Variants in CNTN6 observed in about 807,000 individuals in gnomAD.
CNTN6 encodes the protein contactin-6.
In CNTN6, 137 loss-of-function variants were observed where a neutral mutation model predicts 122.8. That is an observed-to-expected ratio of 1.12 (90% CI 0.97 to 1.29). CNTN6 has a LOEUF of 1.29. Among genes scored for constraint, CNTN6 ranks in the 50% most tolerant of loss-of-function variants. The pLI, the probability that CNTN6 is intolerant of heterozygous loss-of-function variation, is 0.00. For synonymous variants in CNTN6, 570 were observed against 426.0 expected, an observed-to-expected ratio of 1.34 and a Z score of -4.16; for missense variants, 1,634 against 1,223.4, an observed-to-expected ratio of 1.34 and a Z score of -5.01.
chr3:1,247,642 G>C (rs1423829249), intron 4 of CNTN6, among the ~76,000 whole-genome samples: 1 of 152,100 alleles, frequency 6.6e-6, no homozygotes, highest in African/African-American at 2.4e-5. Flanking sequence ...TATAACAACT[G>C]TTTCTGTGAG....
chr3:1,128,624 C>CTAAGAA (rs2092245357), intron 1 of CNTN6, among the ~76,000 whole-genome samples: 1 of 151,948 alleles, frequency 6.6e-6, no homozygotes, highest in African/African-American at 2.4e-5. Flanking sequence ...AGTTTAGAAA[C>CTAAGAA]TAAGAACATA....
chr3:1,293,139 C>A (rs1695614200), intron 5 of CNTN6, among the ~76,000 whole-genome samples: 1 of 152,162 alleles, frequency 6.6e-6, no homozygotes, highest in African/African-American at 2.4e-5. Context: ...AGACAAATTT[C>A]TTTTTACTGA....
At chr3:1,129,436 G>T (rs576565707) in intron 1 of CNTN6, among the ~76,000 whole-genome samples, 59 of 152,108 alleles carry the variant, frequency 3.9e-4, no homozygotes, top group Middle Eastern at 3.4e-3. Flanking sequence ...CCGTCTTCAT[G>T]CATATAGGCA....
intron 7 of CNTN6, among the ~76,000 whole-genome samples, chr3:1,319,561 A>C (rs973555480): frequency 3.3e-5 from 5 of 151,514 alleles, no homozygotes; most frequent in Non-Finnish European, 7.4e-5. Flanking sequence ...AATCAATATA[A>C]ATAACTAAGA....
At chr3:1,227,749 C>T in intron 3 of CNTN6, 69 bp from the exon 4 acceptor site, 1 of 1,485,970 alleles carries the variant, frequency 6.7e-7, no homozygotes, top group Non-Finnish European at 9.2e-7. Context: ...ATTAGAACTA[C>T]ATGTTTTTTA....
chr3:1,363,054 A>T (rs1707706694), intron 12 of CNTN6, among the ~76,000 whole-genome samples: 1 of 151,916 alleles, frequency 6.6e-6, no homozygotes, highest in Non-Finnish European at 1.5e-5. Context: ...CAAAATAAAG[A>T]TGCTTTCAAA....
rs543195478 is a variant in CNTN6, at chr3:1,376,418, G to A, written c.2096-587G>A. Among the ~76,000 whole-genome samples the A allele has an allele frequency of 4.6e-5, 7 of 152,098 alleles. No individual in the cohort carries two copies. The South Asian group carries it at 6.2e-4, about 14-fold the overall frequency. On this transcript the variant is annotated intron_variant, in intron 16 of 22. Coordinates refer to ENST00000446702, the MANE Select transcript of CNTN6 (RefSeq NM_001289080.2). Reference sequence around the variant, plus strand: ...TAAATAGAAAGAACCTCTCCCAGTCGCATTCTTGACAGGAGAAAAACCTGA... The same window carrying A: ...TAAATAGAAAGAACCTCTCCCAGTCACATTCTTGACAGGAGAAAAACCTGA...
At chr3:1,376,747 A>G (rs745735352) in intron 16 of CNTN6, among the ~76,000 whole-genome samples, 14 of 152,168 alleles carry the variant, frequency 9.2e-5, no homozygotes, top group South Asian at 2.1e-4. Flanking sequence ...TAGATGATGC[A>G]TAATGATGTC....
chr3:1,149,323 C>T (rs1297335188), intron 2 of CNTN6, among the ~76,000 whole-genome samples: 1 of 152,058 alleles, frequency 6.6e-6, no homozygotes, highest in Non-Finnish European at 1.5e-5. Flanking sequence ...CTTCTTCCCC[C>T]CGACTATGTG....
At chr3:1,239,473 G>C (rs901618061) in intron 4 of CNTN6, among the ~76,000 whole-genome samples, 1 of 152,136 alleles carries the variant, frequency 6.6e-6, no homozygotes, top group Non-Finnish European at 1.5e-5. Context: ...TCAAGGATGT[G>C]AAAGACCTCT....
chr3:1,219,310 G>A (rs548106305), intron 2 of CNTN6, among the ~76,000 whole-genome samples: 2 of 152,300 alleles, frequency 1.3e-5, no homozygotes, highest in East Asian at 3.9e-4. Context: ...ACAGAACGCA[G>A]CATAAAGAGC....
chr3:1,168,938 T>C (rs1211604844), intron 2 of CNTN6, among the ~76,000 whole-genome samples: 1 of 152,142 alleles, frequency 6.6e-6, no homozygotes, highest in African/African-American at 2.4e-5. Context: ...ATTGCTGATA[T>C]AGAGAATAAC....
At chr3:1,162,403 GAA>G (rs61497309) in intron 2 of CNTN6, among the ~76,000 whole-genome samples, 2 of 151,578 alleles carry the variant, frequency 1.3e-5, no homozygotes, top group East Asian at 3.9e-4. Flanking sequence ...GAAGGGAGGG[GAA>G]AAAAAACCCC....
intron 1 of CNTN6, among the ~76,000 whole-genome samples, chr3:1,096,855 T>C (rs569230526): frequency 6.6e-6 from 1 of 152,316 alleles, no homozygotes; most frequent in Admixed American, 6.5e-5. Context: ...TCCACTAACA[T>C]TTTCACTGAA....
intron 4 of CNTN6, among the ~76,000 whole-genome samples, chr3:1,268,404 G>T (rs994127321): frequency 6.6e-6 from 1 of 152,074 alleles, no homozygotes; most frequent in Non-Finnish European, 1.5e-5. Flanking sequence ...TCAGGAGATC[G>T]AGACCATCCT....
chr3:1,149,170 G>A (rs976068909), intron 2 of CNTN6, among the ~76,000 whole-genome samples: 1 of 152,104 alleles, frequency 6.6e-6, no homozygotes, highest in Non-Finnish European at 1.5e-5. Context: ...ACCAACCATA[G>A]TCTGTTACAA....
At chr3:1,233,499 G>T (rs1265786194) in intron 4 of CNTN6, among the ~76,000 whole-genome samples, 2 of 152,178 alleles carry the variant, frequency 1.3e-5, no homozygotes, top group Admixed American at 1.3e-4. Flanking sequence ...ACTTTGGGAG[G>T]CCGAGGCGGG....
rs1311454240 is a variant in CNTN6 at position 1,220,733 on chromosome 3, T to C, written c.102T>C (p.Asp34=). The C allele has an allele frequency of 6.2e-7, 1 of 1,613,612 alleles. No homozygotes were observed. Among genetic ancestry groups the C allele is most frequent in the Middle Eastern group, 1.7e-4 (1 of 6,060 alleles). The change falls in exon 3 of 23, where the codon GAT becomes GAC. Residue 34 remains aspartate, a synonymous_variant. Transcript: ENST00000446702. ...CTATTTTTACTCAGGAGCCACATGA[T>C]GTCATTTTTCCTTTGGATTTATCAA... ...SRPIFTQEPH[D]VIFPLDLSKS...
chr3:1,382,870 A>G, intron 17 of CNTN6, 72 bp from the exon 18 acceptor site: 2 of 991,416 alleles, frequency 2.0e-6, no homozygotes, highest in Non-Finnish European at 3.1e-6. Context: ...ATGTGAAATA[A>G]TCAATAAACA....
Sources: allele counts gnomAD v4.1 joint callset (sites outside exome capture counted in the v4.1 genomes callset), GRCh38; gene constraint gnomAD v4.1.1; transcripts MANE v1.5; gene names NCBI Gene and HGNC (gene_info 2026-07-23, HGNC 2026-07-21).